Variants in CNTNAP2 observed in about 807,000 individuals in gnomAD.
The protein encoded by CNTNAP2 is contactin associated protein 2.
A neutral mutation model predicts 155.2 loss-of-function variants in CNTNAP2; 98 were observed. That is an observed-to-expected ratio of 0.63 (90% CI 0.54 to 0.75). CNTNAP2 has a LOEUF of 0.75. CNTNAP2 is among the 30% of genes least tolerant of loss of function. The probability of loss-of-function intolerance (pLI) is 0.00; values close to 1 mark genes in which losing one functional copy is unlikely to be tolerated. For synonymous variants in CNTNAP2, 651 were observed against 631.2 expected (o/e 1.03, Z -0.47); for missense variants, 1,727 against 1,688.1 (o/e 1.02, Z -0.40).
At chr7:146,329,335 C>A (rs1162299679) in intron 1 of CNTNAP2, among the ~76,000 whole-genome samples, 1 of 152,190 alleles carries the variant, frequency 6.6e-6, no homozygotes, top group African/African-American at 2.4e-5. Context: ...ATACCATCCT[C>A]TCCATAAGTG....
intron 21 of CNTNAP2, among the ~76,000 whole-genome samples, chr7:148,362,988 AT>A (rs35983945): frequency 4.6e-5 from 7 of 150,750 alleles, no homozygotes; most frequent in African/African-American, 1.5e-4. Flanking sequence ...TCAACATGCT[AT>A]TTTTTTTTTA....
intron 3 of CNTNAP2, among the ~76,000 whole-genome samples, chr7:147,021,622 C>T (rs1798818418): frequency 6.6e-6 from 1 of 152,164 alleles, no homozygotes; most frequent in South Asian, 2.1e-4. Context: ...TTCTCCAAAT[C>T]AAGCTGTTCT....
At chr7:146,630,048 G>A (rs558634102) in intron 1 of CNTNAP2, among the ~76,000 whole-genome samples, 18 of 151,880 alleles carry the variant, frequency 1.2e-4, no homozygotes, top group Non-Finnish European at 4.4e-5. Flanking sequence ...TTGTTACCTA[G>A]GTGGTTTGCT....
intron 1 of CNTNAP2, among the ~76,000 whole-genome samples, chr7:146,653,094 A>C (rs1284444163): frequency 2.6e-5 from 4 of 152,150 alleles, no homozygotes; most frequent in African/African-American, 9.6e-5. Flanking sequence ...AGATGAAAAA[A>C]ATGATGAAAA....
intron 13 of CNTNAP2, among the ~76,000 whole-genome samples, chr7:147,833,538 G>A (rs906825309): frequency 1.4e-4 from 21 of 152,152 alleles, no homozygotes; most frequent in Admixed American, 1.2e-3. Flanking sequence ...GTCACTGCTG[G>A]CCTCAGCTTC....
chr7:146,669,158 A>C (rs1029944077), intron 1 of CNTNAP2, among the ~76,000 whole-genome samples: 1 of 152,144 alleles, frequency 6.6e-6, no homozygotes. Flanking sequence ...CTTTATGACA[A>C]CTTTCATCTC....
At position 147,703,368 on chromosome 7, in the gene CNTNAP2, A is replaced by G. The variant is rs182378576; in HGVS notation, c.2098+64062A>G. On this transcript the variant is annotated intron_variant, in intron 13 of 23. Transcript: ENST00000361727. ...AAAAGTGGTCAAGTGAGGAGCCACC[A>G]GAATTTTATTTCTTCTTCAAGCATT... Among the ~76,000 whole-genome samples the G allele has an allele frequency of 1.3e-3, 194 of 152,318 alleles. 1 individual carries two copies. The highest frequency in any genetic ancestry group is 4.5e-3 in the African/African-American group (186 of 41,580).
At chr7:146,682,814 A>C (rs1408867108) in intron 1 of CNTNAP2, among the ~76,000 whole-genome samples, 1 of 152,204 alleles carries the variant, frequency 6.6e-6, no homozygotes, top group Non-Finnish European at 1.5e-5. Context: ...AGAAAAATTC[A>C]ATATTAAAGA....
chr7:147,813,267 G>A (rs1367631755), intron 13 of CNTNAP2, among the ~76,000 whole-genome samples: 1 of 152,140 alleles, frequency 6.6e-6, no homozygotes, highest in Non-Finnish European at 1.5e-5. Flanking sequence ...CTCACCAGGG[G>A]AAGTTCAAAA....
At chr7:147,823,225 G>A (rs1282956978) in intron 13 of CNTNAP2, among the ~76,000 whole-genome samples, 1 of 152,130 alleles carries the variant, frequency 6.6e-6, no homozygotes, top group African/African-American at 2.4e-5. Context: ...CAGTTCTTCT[G>A]CAGCCACAGT....
At chr7:148,251,513 T>C (rs1796362363) in intron 20 of CNTNAP2, among the ~76,000 whole-genome samples, 1 of 152,196 alleles carries the variant, frequency 6.6e-6, no homozygotes, top group African/African-American at 2.4e-5. Context: ...GATTGAATCA[T>C]TGGCCACAAA....
intron 8 of CNTNAP2, among the ~76,000 whole-genome samples, chr7:147,175,024 T>C (rs117153771): frequency 0.031 from 4,786 of 152,220 alleles, 165 homozygotes; most frequent in South Asian, 0.17. Flanking sequence ...ATTAATGGGG[T>C]AAATTTCACT....
intron 1 of CNTNAP2, among the ~76,000 whole-genome samples, chr7:146,753,127 C>T (rs964310085): frequency 4.6e-5 from 7 of 152,012 alleles, no homozygotes; most frequent in Non-Finnish European, 7.4e-5. Context: ...CTGTCATTTA[C>T]TAAAATATTT....
Position 146,993,785 on chromosome 7 carries a change from G to A in CNTNAP2, c.403-50122G>A, listed in dbSNP as rs1054722702. On this transcript the variant is annotated intron_variant, in intron 3 of 23. Coordinates refer to ENST00000361727, the MANE Select transcript of CNTNAP2 (RefSeq NM_014141.6). ...TTATTAAAGTGGTGTAAAAATAGTCGTGCTACATATGACTATTTTGTCATG... is the reference window on the plus strand; with the variant it reads ...TTATTAAAGTGGTGTAAAAATAGTCATGCTACATATGACTATTTTGTCATG... 1.4e-4 allele frequency among the ~76,000 whole-genome samples: 21 copies of A among 151,880 alleles called. No homozygotes were observed. In the South Asian group the frequency reaches 1.7e-3, roughly 12 times the overall value.
intron 1 of CNTNAP2, among the ~76,000 whole-genome samples, chr7:146,318,065 C>T (rs748678768): frequency 1.3e-4 from 19 of 151,242 alleles, no homozygotes; most frequent in South Asian, 2.1e-4. Flanking sequence ...CGCTTGAACC[C>T]GGTAGGTGGA....
chr7:146,965,398 C>G (rs1411811721), intron 3 of CNTNAP2, among the ~76,000 whole-genome samples: 1 of 34,126 alleles, frequency 2.9e-5, no homozygotes, highest in Admixed American at 3.7e-4. Context: ...TTAGCAGAGT[C>G]AGAACTCACA....
intron 18 of CNTNAP2, among the ~76,000 whole-genome samples, chr7:148,207,434 G>C (rs1795470072): frequency 6.6e-6 from 1 of 152,206 alleles, no homozygotes; most frequent in African/African-American, 2.4e-5. Flanking sequence ...AGTCACTCTG[G>C]AAGCAGAGTG....
At chr7:148,384,509 A>G (rs1305155353) in intron 22 of CNTNAP2, among the ~76,000 whole-genome samples, 1 of 152,254 alleles carries the variant, frequency 6.6e-6, no homozygotes, top group East Asian at 1.9e-4. Flanking sequence ...GAGACAGCCT[A>G]TTAAGCTGTA....
At chr7:148,063,064 G>A (rs1803186232) in intron 15 of CNTNAP2, among the ~76,000 whole-genome samples, 1 of 152,106 alleles carries the variant, frequency 6.6e-6, no homozygotes, top group Non-Finnish European at 1.5e-5. Context: ...TCCATCTATA[G>A]TATATATGTA....
Sources: gnomAD v4.1 joint callset for allele counts (sites outside exome capture counted in the v4.1 genomes callset) on GRCh38, gnomAD v4.1.1 for gene constraint, MANE v1.5 for transcripts, NCBI Gene and HGNC (gene_info 2026-07-23, HGNC 2026-07-21) for gene names.